Variants in TTC4 observed in about 807,000 individuals in gnomAD.
TTC4 encodes tetratricopeptide repeat domain 4.
A neutral mutation model predicts 51.9 loss-of-function variants in TTC4; 36 were observed. The observed-to-expected ratio is 0.69, with a 90% CI of 0.53 to 0.92. The LOEUF is 0.92. Among genes scored for constraint, TTC4 ranks in the 40% least tolerant of loss-of-function variants. The pLI is 0.00. For synonymous variants in TTC4, 144 were observed against 164.2 expected, an observed-to-expected ratio of 0.88 and a Z score of 0.94; for missense variants, 399 against 454.6, an observed-to-expected ratio of 0.88 and a Z score of 1.11.
At chr1:54,717,452 A>G (rs751237279) in intron 2 of TTC4, 40 bp from the exon 3 acceptor site, 4 of 1,438,642 alleles carry the variant, frequency 2.8e-6, no homozygotes, top group Non-Finnish European at 2.7e-6. Flanking sequence ...GAGCCTTTTA[A>G]AAAGTAAGCA....
At chr1:54,721,028 A>AT in intron 3 of TTC4, 135 bp from the exon 4 acceptor site, 1 of 774,254 alleles carries the variant, frequency 1.3e-6, no homozygotes, top group Non-Finnish European at 2.0e-6. Flanking sequence ...GTACAACCAT[A>AT]TTTTTTCAAA....
At chr1:54,719,516 A>G (rs1440657876) in intron 3 of TTC4, among the ~76,000 whole-genome samples, 1 of 129,984 alleles carries the variant, frequency 7.7e-6, no homozygotes, top group East Asian at 2.6e-4. Context: ...TCCTTTAACT[A>G]AAAGTCCTTG....
intron 3 of TTC4, among the ~76,000 whole-genome samples, chr1:54,718,350 C>A (rs953414994): frequency 6.6e-6 from 1 of 152,122 alleles, no homozygotes; most frequent in Non-Finnish European, 1.5e-5. Flanking sequence ...CAAAGTGAGA[C>A]CCTGTTTCTA....
chr1:54,736,210 GA>G (rs1645934944), intron 8 of TTC4, among the ~76,000 whole-genome samples: 1 of 106,878 alleles, frequency 9.4e-6, no homozygotes, highest in African/African-American at 3.9e-5. Context: ...GAGAGAGAGA[GA>G]GAGAGAGAGA....
intron 9 of TTC4, among the ~76,000 whole-genome samples, chr1:54,739,035 G>T (rs1265278383): frequency 1.4e-5 from 2 of 139,996 alleles, no homozygotes; most frequent in Non-Finnish European, 3.0e-5. Context: ...TTCTTATTTT[G>T]AATTTTTTTT....
At chr1:54,716,119 G>C (rs757165903) in intron 1 of TTC4, 100 bp downstream of exon 1, 17 of 941,524 alleles carry the variant, frequency 1.8e-5, no homozygotes, top group Middle Eastern at 2.1e-4. Context: ...GATCCCTGGC[G>C]CTGCCAGCCG....
intron 3 of TTC4, among the ~76,000 whole-genome samples, chr1:54,720,648 C>G (rs1012005014): frequency 3.3e-5 from 5 of 151,982 alleles, no homozygotes; most frequent in African/African-American, 1.2e-4. Context: ...TACCATAATT[C>G]ATGTAATCAT....
At chr1:54,716,070 G>C (rs1645671495) in intron 1 of TTC4, 51 bp downstream of exon 1, 1 of 1,459,692 alleles carries the variant, frequency 6.9e-7, no homozygotes. Flanking sequence ...GTCCGGACTC[G>C]TGGGGCACCC....
rs553058472 is a variant in TTC4 at position 54,720,992 on chromosome 1, A to G, written c.392-171A>G. Among the ~76,000 whole-genome samples, 16 of 152,292 alleles carry G rather than the reference A, an allele frequency of 1.1e-4. No individual in the cohort carries two copies. In the East Asian group the frequency reaches 1.5e-3, roughly 15 times the overall value. On this transcript the variant is annotated intron_variant, in intron 3 of 9. Coordinates refer to ENST00000371281, the MANE Select transcript of TTC4 (RefSeq NM_004623.5). ...TTTACAGTTCTGTAGATTGCCTGTT[A>G]TAGACATTTCTAAGGCTCTTGACAA...
At chr1:54,734,675 C>G (rs935160252) in intron 8 of TTC4, among the ~76,000 whole-genome samples, 5 of 152,182 alleles carry the variant, frequency 3.3e-5, no homozygotes, top group Non-Finnish European at 5.9e-5. Flanking sequence ...CAGGTGTGAG[C>G]TACCGTGCCC....
At chr1:54,736,028 T>G (rs1282151871) in intron 8 of TTC4, among the ~76,000 whole-genome samples, 1 of 152,082 alleles carries the variant, frequency 6.6e-6, no homozygotes, top group East Asian at 1.9e-4. Flanking sequence ...TTCTTTCTAG[T>G]GAAGAATGGT....
At chr1:54,736,374 G>A (rs922957797) in intron 8 of TTC4, among the ~76,000 whole-genome samples, 4 of 151,402 alleles carry the variant, frequency 2.6e-5, no homozygotes, top group Non-Finnish European at 4.4e-5. Context: ...TTCTTTTTTT[G>A]TTTTTGTTTT....
chr1:54,738,276 AC>A (rs200153558), intron 9 of TTC4, among the ~76,000 whole-genome samples: 5,756 of 152,004 alleles, frequency 0.038, 148 homozygotes, highest in South Asian at 0.079. Context: ...GGCAAGACAT[AC>A]CCCCATGATT....
chr1:54,737,292 T>C (rs556239568), intron 8 of TTC4: 32 of 313,672 alleles, frequency 1.0e-4, no homozygotes, highest in Non-Finnish European at 1.6e-4. Context: ...GAGGGCTACA[T>C]AGGCCTGGCC....
At chr1:54,728,757 T>C (rs1313820080) in intron 6 of TTC4, among the ~76,000 whole-genome samples, 1 of 152,206 alleles carries the variant, frequency 6.6e-6, no homozygotes, top group African/African-American at 2.4e-5. Context: ...CACATTTCTG[T>C]TTGTGTCTTC....
Position 54,728,332 on chromosome 1 carries a change from A to G in TTC4, c.595-14A>G. 6.2e-7 allele frequency: 1 copy of G among 1,609,732 alleles called. No homozygotes were observed. Among genetic ancestry groups the G allele is most frequent in the East Asian group, 2.2e-5 (1 of 44,608 alleles). ...CAGGTCTCTAGAGCTGATGCATCTA[A>G]ATTTCATTTTTAGCGAATTGAACAG... On this transcript the variant is annotated splice_polypyrimidine_tract_variant and intron_variant, in intron 5 of 9. Coordinates refer to ENST00000371281, the MANE Select transcript of TTC4 (RefSeq NM_004623.5).
chr1:54,740,565 G>C (rs544549091), intron 9 of TTC4, among the ~76,000 whole-genome samples: 1 of 152,114 alleles, frequency 6.6e-6, no homozygotes, highest in Non-Finnish European at 1.5e-5. Context: ...GAGGAAACCC[G>C]TTTCATGCTT....
intron 2 of TTC4, 58 bp from the exon 3 acceptor site, chr1:54,717,434 T>C (rs1445224800): frequency 2.9e-5 from 40 of 1,399,562 alleles, no homozygotes; most frequent in Non-Finnish European, 3.6e-5. Context: ...TTAGAATCTA[T>C]TTTTAATGAG....
chr1:54,741,772 A>C lies in TTC4; in HGVS notation c.*259A>C. 1 of 513,364 alleles carries C rather than the reference A, an allele frequency of 1.9e-6. No individual in the cohort carries two copies. The allele number at this position is 513,364 out of a possible 1,614,324, so 31.8% of individuals were successfully genotyped here. ...CTTGGACTCCATCGCTAAAGGGACC[A>C]TCTGCTGCAGTTACCACAGCAACTG... On this transcript the variant is annotated 3_prime_UTR_variant, in exon 10 of 10. Transcript: ENST00000371281.
Sources: allele counts gnomAD v4.1 joint callset (sites outside exome capture counted in the v4.1 genomes callset), GRCh38; gene constraint gnomAD v4.1.1; transcripts MANE v1.5; gene names NCBI Gene and HGNC (gene_info 2026-07-23, HGNC 2026-07-21).